SIGLEC9: variants seen among roughly 807,000 people sequenced by gnomAD.
SIGLEC9 encodes the protein sialic acid binding Ig like lectin 9, also known as sialic acid-binding Ig-like lectin 9.
A neutral mutation model predicts 38.3 loss-of-function variants in SIGLEC9; 26 were observed. The observed-to-expected ratio is 0.68, with a 90% CI of 0.50 to 0.94. The LOEUF (loss-of-function observed/expected upper bound fraction) is 0.94. SIGLEC9 is among the 40% of genes least tolerant of loss of function. The probability of loss-of-function intolerance (pLI) is 0.00; values close to 1 mark genes in which losing one functional copy is unlikely to be tolerated. For missense variants in SIGLEC9, 556 were observed against 585.7 expected, an observed-to-expected ratio of 0.95 and a Z score of 0.52; for synonymous variants, 236 against 248.0, an observed-to-expected ratio of 0.95 and a Z score of 0.45.
chr19:51,122,543 T>C (rs2091952099), upstream of SIGLEC9, among the ~76,000 whole-genome samples: 1 of 147,914 alleles, frequency 6.8e-6, no homozygotes, highest in African/African-American at 2.5e-5. The surrounding 1 kb of genome is among the most constrained non-coding windows in gnomAD (Gnocchi z 4.1). Context: ...ATCACGGCAC[T>C]GTACTCTAGC....
upstream of SIGLEC9, among the ~76,000 whole-genome samples, chr19:51,122,252 T>C (rs987854279): frequency 2.0e-5 from 3 of 152,158 alleles, no homozygotes; most frequent in Non-Finnish European, 4.4e-5. This position sits in a 1 kb window ranked among gnomAD's most constrained non-coding sequence, Gnocchi z 4.1. Context: ...CTCCAGGGTC[T>C]GTCAGCTAGC....
At chr19:51,131,653 C>T (rs1374039770), downstream of SIGLEC9, among the ~76,000 whole-genome samples, 2 of 152,022 alleles carry the variant, frequency 1.3e-5, no homozygotes, top group Non-Finnish European at 2.9e-5. Flanking sequence ...TGGTGGCTCA[C>T]GCCTGTCATC....
Position 51,125,140 on chromosome 19 carries a change from G to A in SIGLEC9, c.166G>A (p.Val56Ile). The A allele has an allele frequency of 6.2e-7, 1 of 1,614,082 alleles. No individual in the cohort carries two copies. Residue 56 changes from valine (V) to isoleucine (I), a missense_variant, in exon 1 of 7, where the codon GTA becomes ATA. By Grantham distance (29) the Val-to-Ile change is conservative. Coordinates refer to ENST00000250360, the MANE Select transcript of SIGLEC9 (RefSeq NM_014441.3). ...PSHGWIYPGP[V>I]VHGYWFREGA... ...GCATGGCTGGATTTACCCTGGCCCA[G>A]TAGTTCATGGCTACTGGTTCCGGGA...
At position 51,127,939 on chromosome 19, in the gene SIGLEC9, C is replaced by G; in HGVS notation, c.1016-10C>G. 6.3e-7 allele frequency: 1 copy of G among 1,593,594 alleles called. No homozygotes were observed. Among genetic ancestry groups the G allele is most frequent in the South Asian group, 1.1e-5 (1 of 90,554 alleles). On this transcript the variant is annotated splice_polypyrimidine_tract_variant and intron_variant, in intron 4 of 6. Transcript: ENST00000250360. ...GATATATCACAAAAATAACTCCCAT[C>G]TGTCAACAGGCAAAGCCACATCAGG...
upstream of SIGLEC9, among the ~76,000 whole-genome samples, chr19:51,121,865 G>T (rs1222566568): frequency 2.6e-5 from 4 of 152,096 alleles, no homozygotes; most frequent in African/African-American, 9.7e-5. Flanking sequence ...TGGGGTTACA[G>T]ATCTGAGCCG....
intron 6 of SIGLEC9, chr19:51,128,880 A>C: frequency 4.8e-6 from 1 of 207,802 alleles, no homozygotes; most frequent in East Asian, 1.5e-4. Flanking sequence ...AAGCCAGCAA[A>C]TACTATCTGT....
At chr19:51,130,642 C>T (rs142378879), downstream of SIGLEC9, among the ~76,000 whole-genome samples, 8 of 152,202 alleles carry the variant, frequency 5.3e-5, no homozygotes, top group Non-Finnish European at 7.3e-5. Flanking sequence ...CCTGTGACTG[C>T]TAGGCCGCCT....
At chr19:51,134,147 CTTTTT>C (rs71185802), downstream of SIGLEC9, among the ~76,000 whole-genome samples, 782 of 66,518 alleles carry the variant, frequency 0.012, 6 homozygotes, top group African/African-American at 0.042. Context: ...TCTTTCTTTT[CTTTTT>C]TTTTTTTTTT....
chr19:51,126,306 C>A (rs966416154), intron 3 of SIGLEC9, among the ~76,000 whole-genome samples, 178 bp downstream of exon 3: 5 of 152,060 alleles, frequency 3.3e-5, no homozygotes, highest in African/African-American at 1.2e-4. Context: ...CCATCACCTC[C>A]CTTGGACTCC....
upstream of SIGLEC9, among the ~76,000 whole-genome samples, chr19:51,122,114 T>G (rs2091951318): frequency 6.6e-6 from 1 of 152,222 alleles, no homozygotes; most frequent in Non-Finnish European, 1.5e-5. The surrounding 1 kb of genome is among the most constrained non-coding windows in gnomAD (Gnocchi z 4.1). Flanking sequence ...CAGATATATG[T>G]GCAGGTCTCT....
At chr19:51,133,949 G>C (rs2092029771), downstream of SIGLEC9, among the ~76,000 whole-genome samples, 1 of 151,900 alleles carries the variant, frequency 6.6e-6, no homozygotes, top group Non-Finnish European at 1.5e-5. Context: ...AAAACATCTT[G>C]AGTCAAAGAA....
At chr19:51,132,305 G>C (rs2092020578), downstream of SIGLEC9, among the ~76,000 whole-genome samples, 1 of 152,312 alleles carries the variant, frequency 6.6e-6, no homozygotes. Context: ...GCAGAACTGT[G>C]AGCCAAATAA....
At chr19:51,126,950 C>G (rs1203480578) in intron 3 of SIGLEC9, 80 bp from the exon 4 acceptor site, 2 of 1,278,322 alleles carry the variant, frequency 1.6e-6, no homozygotes, top group African/African-American at 2.9e-5. Context: ...GTGTCAGTTG[C>G]TGTCATCAGT....
At chr19:51,133,473 G>A (rs2092027731), downstream of SIGLEC9, among the ~76,000 whole-genome samples, 1 of 151,728 alleles carries the variant, frequency 6.6e-6, no homozygotes, top group South Asian at 2.1e-4. Context: ...GTAATCCCAG[G>A]TACTAGGGAG....
chr19:51,131,155 T>A (rs569803235), downstream of SIGLEC9, among the ~76,000 whole-genome samples: 3 of 152,278 alleles, frequency 2.0e-5, no homozygotes, highest in East Asian at 5.8e-4. Context: ...GAAAGGGACA[T>A]CTCACAACAA....
chr19:51,123,602 G>A (rs944764523), upstream of SIGLEC9, among the ~76,000 whole-genome samples: 2 of 152,204 alleles, frequency 1.3e-5, no homozygotes, highest in African/African-American at 4.8e-5. Context: ...GACCATTAGC[G>A]TTAAAGTGAG....
At position 51,125,518 on chromosome 19, in the gene SIGLEC9, C is replaced by A. The variant is rs2091971545; in HGVS notation, c.422-79C>A. ...GAAGCGAGTTGGCTCAGGGCAGGAG[C>A]TGGACCAGAGCCTGAGCTCCCCCCA... On this transcript the variant is annotated intron_variant, in intron 1 of 6. Coordinates refer to ENST00000250360, the MANE Select transcript of SIGLEC9 (RefSeq NM_014441.3). 2.5e-6 allele frequency: 4 copies of A among 1,574,788 alleles called. No homozygotes were observed. The African/African-American group carries it at 5.4e-5, about 21-fold the overall frequency.
chr19:51,126,378 G>C (rs1205915848), intron 3 of SIGLEC9, among the ~76,000 whole-genome samples: 3 of 151,620 alleles, frequency 2.0e-5, no homozygotes, highest in Non-Finnish European at 4.4e-5. Flanking sequence ...GCAGGACCAG[G>C]CTTTGAGGCT....
Position 51,127,142 on chromosome 19 carries a change from G to A in SIGLEC9, c.861G>A (p.Leu287=). Residue 287 remains leucine (L), a synonymous_variant, in exon 4 of 7, where the codon CTG becomes CTA. Transcript: ENST00000250360. ...VDSNPPARLS[L]SWRGLTLCPS... is the part of the protein sequence containing the mutation. Reference sequence around the variant, plus strand: ...GCAATCCCCCTGCCAGGCTGAGCCTGAGCTGGAGAGGCCTGACCCTGTGCC... The same window carrying A: ...GCAATCCCCCTGCCAGGCTGAGCCTAAGCTGGAGAGGCCTGACCCTGTGCC... The A allele has an allele frequency of 2.5e-6, 4 of 1,614,256 alleles. No homozygotes were observed. Among genetic ancestry groups the A allele is most frequent in the African/African-American group, 1.3e-5 (1 of 75,068 alleles).
Sources: gnomAD v4.1 joint callset for allele counts (sites outside exome capture counted in the v4.1 genomes callset) on GRCh38, gnomAD v4.1.1 for gene constraint, Gnocchi (gnomAD v3.1) non-coding constraint, MANE v1.5 for transcripts, NCBI Gene and HGNC (gene_info 2026-07-23, HGNC 2026-07-21) for gene names.